The following ADCY7 variants were observed in gnomAD, a reference collection of about 807,000 sequenced individuals.
ADCY7 encodes adenylate cyclase 7.
ADCY7 carries 72 observed loss-of-function variants against 120.6 expected under a neutral mutation model. The observed-to-expected ratio is 0.60, with a 90% CI of 0.49 to 0.73. ADCY7 has a LOEUF of 0.73. Ranked by LOEUF, ADCY7 falls within the 30% of genes least tolerant of loss-of-function variation. The probability of loss-of-function intolerance (pLI) is 0.00; values close to 1 mark genes in which losing one functional copy is unlikely to be tolerated. For missense variants in ADCY7, 1,227 were observed against 1,486.0 expected, an observed-to-expected ratio of 0.83 and a Z score of 2.87; for synonymous variants, 661 against 628.0, an observed-to-expected ratio of 1.05 and a Z score of -0.78.
intron 1 of ADCY7, among the ~76,000 whole-genome samples, chr16:50,249,004 C>T (rs2032673409): frequency 6.6e-6 from 1 of 152,216 alleles, no homozygotes; most frequent in Non-Finnish European, 1.5e-5. Context: ...TTCCCAGATA[C>T]TGCAGACTGT....
chr16:50,248,010 A>T (rs1186724639), intron 1 of ADCY7, among the ~76,000 whole-genome samples: 2 of 152,084 alleles, frequency 1.3e-5, no homozygotes, highest in Non-Finnish European at 2.9e-5. Context: ...TTTAATCATA[A>T]GTTAGGCAGG....
Position 50,300,805 on chromosome 16 carries a change from G to A in ADCY7, c.1167G>A (p.Lys389=). Residue 389 remains lysine (K), a synonymous_variant, in exon 9 of 26, where the codon AAG becomes AAA. Coordinates refer to ENST00000673801, the MANE Select transcript of ADCY7 (RefSeq NM_001114.5). ...NVLCGVIGLR[K]WQYDVWSHDV... ...TGTGCGGGGTCATCGGGCTGCGCAA[G>A]TGGCAGTATGACGTGTGGTCCCACG... 6.4e-7 allele frequency: 1 copy of A among 1,556,062 alleles called. No individual in the cohort carries two copies. Among genetic ancestry groups the A allele is most frequent in the Admixed American group, 1.9e-5 (1 of 51,526 alleles).
intron 1 of ADCY7, among the ~76,000 whole-genome samples, chr16:50,267,431 G>A (rs1217121789): frequency 2.6e-5 from 4 of 152,228 alleles, no homozygotes; most frequent in Admixed American, 6.5e-5. Flanking sequence ...AGGGAGGGCC[G>A]GGAGGGGGAA....
At position 50,315,211 on chromosome 16, in the gene ADCY7, AG is replaced by A. The variant is rs943391667; in HGVS notation, c.3096+74del. ...CCAGAGGTGAGGGGACTTGGACTTA[AG>A]AGCTGCTGTCTCACCCAGCAGCCAT... On this transcript the variant is annotated intron_variant, in intron 25 of 25. Coordinates refer to ENST00000673801, the MANE Select transcript of ADCY7 (RefSeq NM_001114.5). 1.8e-5 allele frequency: 28 copies of A among 1,588,596 alleles called. No individual in the cohort carries two copies. The Admixed American group carries it at 3.4e-4, about 20-fold the overall frequency.
chr16:50,312,069 A>G lies in ADCY7; in HGVS notation c.2482A>G (p.Lys828Glu), dbSNP rs1361351529. Residue 828 changes from lysine (K) to glutamate (E), a missense_variant, in exon 21 of 26, where the codon AAG becomes GAG. Lys to Glu is a moderately conservative substitution (Grantham distance 56). This residue lies in a region of ADCY7 where 267 missense variants were observed against 270.0 expected (regional missense o/e 0.99). Transcript: ENST00000673801. The stretch of plus-strand genomic sequence containing the variant: ...TTACTGCCGCTTGGACTGCCTATGG[A>G]AGAAGAAGTTCAAGAAGGAGCACGA... ...DYYCRLDCLW[K>E]KKFKKEHEEF... 1.2e-6 allele frequency: 2 copies of G among 1,613,968 alleles called. No homozygotes were observed. Among genetic ancestry groups the G allele is most frequent in the Admixed American group, 3.3e-5 (2 of 59,992 alleles).
rs1371781688 is a variant in ADCY7 at position 50,315,745 on chromosome 16, T to A, written c.*240T>A. The A allele has an allele frequency of 2.3e-6, 1 of 442,204 alleles. No homozygotes were observed. Among genetic ancestry groups the A allele is most frequent in the Non-Finnish European group, 4.1e-6 (1 of 245,708 alleles). The allele number at this position is 442,204 out of a possible 1,614,324, so 27.4% of individuals were successfully genotyped here. ...GCTCTGTGCCTGGTCTGTAACAGTT[T>A]CCAGGCCAGCTGGAGAATGTTCACT... On this transcript the variant is annotated 3_prime_UTR_variant, in exon 26 of 26. Transcript: ENST00000673801.
chr16:50,293,653 G>T (rs371583093), intron 6 of ADCY7, 151 bp downstream of exon 6: 16 of 960,166 alleles, frequency 1.7e-5, no homozygotes, highest in African/African-American at 1.5e-4. Flanking sequence ...TCAATCTGGG[G>T]CCCTCCCTGG....
chr16:50,282,713 CTT>C (rs761341913), intron 1 of ADCY7, among the ~76,000 whole-genome samples: 1 of 118,158 alleles, frequency 8.5e-6, no homozygotes. Context: ...TAAATCCCAG[CTT>C]TTTTTTTTTT....
rs573107014 is a variant in ADCY7 at position 50,269,313 on chromosome 16, C to T, written c.-269+2633C>T. Among the ~76,000 whole-genome samples, 11 of 152,316 alleles carry T rather than the reference C, an allele frequency of 7.2e-5. No individual in the cohort carries two copies. The East Asian group carries it at 2.1e-3, about 29-fold the overall frequency. On this transcript the variant is annotated intron_variant, in intron 1 of 25. Coordinates refer to ENST00000673801, the MANE Select transcript of ADCY7 (RefSeq NM_001114.5). ...GCCACATTTGAGCCTGGAGTCAGGG[C>T]CAGCACACTGTGTCTTTGGCGAGAT...
Position 50,288,083 on chromosome 16 carries a change from C to G in ADCY7, c.-97C>G. 7.1e-7 allele frequency: 1 copy of G among 1,415,962 alleles called. No homozygotes were observed. Among genetic ancestry groups the G allele is most frequent in the Non-Finnish European group, 9.4e-7 (1 of 1,065,814 alleles). 87.7% of individuals were successfully genotyped at this position (1,415,962 alleles called of 1,614,324 possible). On this transcript the variant is annotated 5_prime_UTR_variant, in exon 2 of 26. Transcript: ENST00000673801. ...TTGCCTGCCTCGGAGAGGACAGAGG[C>G]CTAGGCCCACGGGGGAGGGTGTTGG...
chr16:50,272,618 C>G (rs2033644984), intron 1 of ADCY7, among the ~76,000 whole-genome samples: 1 of 152,164 alleles, frequency 6.6e-6, no homozygotes, highest in African/African-American at 2.4e-5. Context: ...CATCCCTTGG[C>G]CTCACTCATG....
chr16:50,291,595 G>T, intron 3 of ADCY7, 141 bp from the exon 4 acceptor site: 1 of 879,064 alleles, frequency 1.1e-6, no homozygotes, highest in East Asian at 2.6e-5. Flanking sequence ...TTGTTCCCTT[G>T]TATGTCTGCC....
chr16:50,273,067 C>A (rs1479661308), intron 1 of ADCY7, among the ~76,000 whole-genome samples: 2 of 152,204 alleles, frequency 1.3e-5, no homozygotes, highest in African/African-American at 4.8e-5. Context: ...GACCCTGGTA[C>A]TGAAGTGTGT....
At chr16:50,255,414 A>AAAG (rs1242937000) in intron 1 of ADCY7, among the ~76,000 whole-genome samples, 1 of 148,642 alleles carries the variant, frequency 6.7e-6, no homozygotes, top group East Asian at 1.9e-4. Context: ...AAAAAAAAAA[A>AAAG]AAAAAAAGAC....
In ADCY7 at chr16:50,297,875, G is replaced by GT. The variant is rs1453743978; in HGVS notation, c.949-1028dup. Among the ~76,000 whole-genome samples, 2 of 152,166 alleles carry GT rather than the reference G, an allele frequency of 1.3e-5. No individual in the cohort carries two copies. The highest frequency in any genetic ancestry group is 4.8e-5 in the African/African-American group (2 of 41,444). ...CCAGTCCGAGGGTCAGCTGAGTGGG[G>GT]TAGAGGGTGGGGAGGGGAGAGCAGA... On this transcript the variant is annotated intron_variant, in intron 7 of 25. Transcript: ENST00000673801. This position sits in a 1 kb window ranked among gnomAD's most constrained non-coding sequence, Gnocchi z 4.4.
At position 50,310,681 on chromosome 16, in the gene ADCY7, C is replaced by T. The variant is rs768252915; in HGVS notation, c.2161-6C>T. 6.2e-7 allele frequency: 1 copy of T among 1,613,276 alleles called. No homozygotes were observed. The highest frequency in any genetic ancestry group is 1.1e-5 in the South Asian group (1 of 91,012). ...CCCTGTCCTGAGTGACACCCTGCCCCCTCAGTACTACACCTGCAGCTGTGT... is the reference window on the plus strand; with the variant it reads ...CCCTGTCCTGAGTGACACCCTGCCCTCTCAGTACTACACCTGCAGCTGTGT... On this transcript the variant is annotated splice_region_variant and splice_polypyrimidine_tract_variant and intron_variant, in intron 18 of 25. Transcript: ENST00000673801.
intron 4 of ADCY7, among the ~76,000 whole-genome samples, chr16:50,292,172 C>T (rs913637260): frequency 4.6e-5 from 7 of 152,354 alleles, no homozygotes; most frequent in South Asian, 2.1e-4. Flanking sequence ...GGGACACTGT[C>T]GTGGGGTGAG....
At chr16:50,287,079 G>C (rs77244427) in intron 1 of ADCY7, among the ~76,000 whole-genome samples, 1 of 151,086 alleles carries the variant, frequency 6.6e-6, no homozygotes, top group East Asian at 2.0e-4. Context: ...GCAATGGCAC[G>C]ATCTCAGCTT....
chr16:50,252,861 A>G (rs1283509871), intron 1 of ADCY7, among the ~76,000 whole-genome samples: 1 of 152,216 alleles, frequency 6.6e-6, no homozygotes, highest in East Asian at 1.9e-4. Flanking sequence ...TAAGGTGGGG[A>G]AAAAACTTCT....
Sources: allele counts gnomAD v4.1 joint callset (sites outside exome capture counted in the v4.1 genomes callset), GRCh38; gene constraint gnomAD v4.1.1; regional missense constraint gnomAD v4.1.1; non-coding constraint Gnocchi (gnomAD v3.1); transcripts MANE v1.5; gene names NCBI Gene and HGNC (gene_info 2026-07-23, HGNC 2026-07-21).